Variants in KYNU observed in about 807,000 individuals in gnomAD.
KYNU encodes kynureninase.
KYNU carries 54 observed loss-of-function variants against 59.2 expected under a neutral mutation model. The ratio of observed to expected loss-of-function variants is 0.91; its 90% CI spans 0.73 to 1.14. The LOEUF is 1.14. Among genes scored for constraint, KYNU ranks in the 50% most tolerant of loss-of-function variants. KYNU has a pLI of 0.00. For synonymous variants in KYNU, 177 were observed against 192.0 expected (o/e 0.92, Z 0.65); for missense variants, 567 against 554.4 (o/e 1.02, Z -0.23).
chr2:142,911,553 T>G (rs1022721803), intron 2 of KYNU, among the ~76,000 whole-genome samples: 2 of 152,160 alleles, frequency 1.3e-5, no homozygotes, highest in Non-Finnish European at 2.9e-5. Context: ...TTCTTTCTCT[T>G]GACTGACTGC....
chr2:142,931,606 C>T (rs1683220703), intron 4 of KYNU, among the ~76,000 whole-genome samples: 1 of 152,074 alleles, frequency 6.6e-6, no homozygotes, highest in Non-Finnish European at 1.5e-5. Context: ...AAAGTTCGGC[C>T]ATACATGATT....
chr2:142,961,854 T>A (rs532683398), intron 8 of KYNU, among the ~76,000 whole-genome samples: 1 of 152,210 alleles, frequency 6.6e-6, no homozygotes, highest in South Asian at 2.1e-4. Flanking sequence ...AATGTGACAA[T>A]TGAATTTTAT....
rs1160245400 is a variant in KYNU at position 143,047,998 on chromosome 2, C to T, written c.*5826C>T. 1 of 151,786 alleles carries T rather than the reference C, an allele frequency of 6.6e-6. No individual in the cohort carries two copies. The highest frequency in any genetic ancestry group is 2.4e-5 in the African/African-American group (1 of 41,272). 9.4% of individuals were successfully genotyped at this position (151,786 alleles called of 1,614,324 possible). A position where few individuals can be genotyped will look rare whatever the true frequency, so the allele number is the denominator to read the frequency against. ...TAGCTGGGATTACAGGCATGGGCCA[C>T]TATGCCCAGCTAATTTTTGTATTTT... is the stretch of plus-strand genomic sequence containing the variant. On this transcript the variant is annotated 3_prime_UTR_variant, in exon 14 of 14. Coordinates refer to ENST00000264170, the MANE Select transcript of KYNU (RefSeq NM_003937.3).
intron 12 of KYNU, among the ~76,000 whole-genome samples, chr2:143,039,940 T>G (rs1259813282): frequency 6.6e-6 from 1 of 152,120 alleles, no homozygotes; most frequent in Non-Finnish European, 1.5e-5. Flanking sequence ...TAAAACTTGT[T>G]TAATCCTGAA....
chr2:143,011,959 T>G (rs1473543406), intron 10 of KYNU, among the ~76,000 whole-genome samples: 1 of 146,104 alleles, frequency 6.8e-6, no homozygotes, highest in African/African-American at 2.6e-5. Context: ...ATATACCTAA[T>G]GCTAGATGAC....
chr2:142,914,042 G>C (rs1464405033), intron 2 of KYNU, among the ~76,000 whole-genome samples: 1 of 152,226 alleles, frequency 6.6e-6, no homozygotes, highest in East Asian at 1.9e-4. Context: ...GGCAGCTGAT[G>C]CCTAGCTGCT....
chr2:142,991,669 G>A (rs1685402360), intron 10 of KYNU, among the ~76,000 whole-genome samples: 1 of 151,828 alleles, frequency 6.6e-6, no homozygotes, highest in Non-Finnish European at 1.5e-5. Flanking sequence ...CAATGGATGT[G>A]AGAACTCTTC....
At chr2:142,988,942 A>G (rs1685310856) in intron 10 of KYNU, 1 of 1,492,698 alleles carries the variant, frequency 6.7e-7, no homozygotes, top group Non-Finnish European at 9.3e-7. Context: ...CCTGATAGGA[A>G]AAGAAATGTT....
chr2:142,939,602 C>CAAAAAAAAAAAAAAAA (rs71301737), intron 4 of KYNU, among the ~76,000 whole-genome samples: 35 of 65,074 alleles, frequency 5.4e-4, no homozygotes, highest in African/African-American at 1.3e-3. Context: ...CTCCATCTCA[C>CAAAAAAAAAAAAAAAA]AAAAAAAAAA....
intron 6 of KYNU, among the ~76,000 whole-genome samples, 188 bp downstream of exon 6, chr2:142,956,462 G>T (rs140374470): frequency 1.3e-5 from 2 of 152,176 alleles, no homozygotes; most frequent in South Asian, 4.1e-4. Flanking sequence ...AGTAAAACAC[G>T]TGTTAAGGGA....
At chr2:142,991,588 C>A (rs1318980486) in intron 10 of KYNU, among the ~76,000 whole-genome samples, 1 of 151,850 alleles carries the variant, frequency 6.6e-6, no homozygotes, top group African/African-American at 2.4e-5. Flanking sequence ...AATTGGCTAT[C>A]TCCTTTGTCT....
At chr2:142,931,815 G>A (rs1359736512) in intron 4 of KYNU, among the ~76,000 whole-genome samples, 60 of 152,184 alleles carry the variant, frequency 3.9e-4, no homozygotes, top group Non-Finnish European at 1.8e-4. Context: ...CATATTTAGA[G>A]ATGTAGAGAC....
intron 4 of KYNU, 42 bp from the exon 5 acceptor site, chr2:142,954,767 GA>G (rs1684109317): frequency 5.4e-6 from 7 of 1,298,214 alleles, no homozygotes; most frequent in Non-Finnish European, 6.7e-6. Flanking sequence ...AGTATCTTTA[GA>G]CATAGTACAA....
intron 10 of KYNU, among the ~76,000 whole-genome samples, chr2:142,998,060 A>G (rs1685596400): frequency 6.6e-6 from 1 of 152,208 alleles, no homozygotes; most frequent in African/African-American, 2.4e-5. Context: ...ACAGCATATT[A>G]ATATGTCTGC....
intron 2 of KYNU, among the ~76,000 whole-genome samples, chr2:142,885,959 A>C (rs1353919833): frequency 2.6e-5 from 4 of 152,176 alleles, no homozygotes; most frequent in African/African-American, 9.7e-5. Context: ...TGTGACCTGG[A>C]TATATTAGAA....
In KYNU at chr2:142,960,890, T is replaced by TAA. The variant is rs5834931; in HGVS notation, c.729+130_729+131dup. On this transcript the variant is annotated intron_variant, in intron 8 of 13. Transcript: ENST00000264170. ...GTCTGAGTAAAACTATTTCAAAAGT[T>TAA]AAAAAAAAAAAGAGTAAACCTTGGG... The TAA allele has an allele frequency of 7.8e-3, 7,219 of 921,088 alleles. 27 individuals are homozygous for TAA. Among genetic ancestry groups the TAA allele is most frequent in the South Asian group, 0.016 (990 of 63,518 alleles). 57.1% of individuals were successfully genotyped at this position (921,088 alleles called of 1,614,324 possible).
intron 1 of KYNU, among the ~76,000 whole-genome samples, chr2:142,880,122 G>T (rs893385444): frequency 1.3e-5 from 2 of 152,144 alleles, no homozygotes; most frequent in Non-Finnish European, 2.9e-5. Context: ...CTGCCACTTT[G>T]GCGGCAGGGG....
At chr2:142,908,739 A>C (rs1471091404) in intron 2 of KYNU, among the ~76,000 whole-genome samples, 1 of 151,888 alleles carries the variant, frequency 6.6e-6, no homozygotes, top group African/African-American at 2.4e-5. Context: ...GGTTCACACC[A>C]TTCTCCTGCC....
chr2:143,035,728 A>G (rs969290028), intron 12 of KYNU, among the ~76,000 whole-genome samples: 21 of 152,266 alleles, frequency 1.4e-4, no homozygotes, highest in African/African-American at 4.8e-4. Context: ...GGTAACTGGG[A>G]CTGCAGGACT....
Sources: gnomAD v4.1 joint callset for allele counts (sites outside exome capture counted in the v4.1 genomes callset) on GRCh38, gnomAD v4.1.1 for gene constraint, MANE v1.5 for transcripts, NCBI Gene and HGNC (gene_info 2026-07-23, HGNC 2026-07-21) for gene names.